Variants in RANBP2 observed in about 807,000 individuals in gnomAD.
RANBP2 encodes the protein RAN binding protein 2, also known as E3 SUMO-protein ligase RanBP2.
Under a neutral mutation model 303.6 loss-of-function variants are expected in RANBP2, and 57 were observed. The ratio of observed to expected loss-of-function variants is 0.19; its 90% CI spans 0.15 to 0.23. The LOEUF (loss-of-function observed/expected upper bound fraction) is 0.23, where lower values mean the gene tolerates loss of function less well. Among genes scored for constraint, RANBP2 ranks in the 10% least tolerant of loss-of-function variants. The pLI, the probability that RANBP2 is intolerant of heterozygous loss-of-function variation, is 1.00. For synonymous variants in RANBP2, 1,167 were observed against 1,301.5 expected, an observed-to-expected ratio of 0.90 and a Z score of 2.23; for missense variants, 3,138 against 3,780.8, an observed-to-expected ratio of 0.83 and a Z score of 4.46.
At chr2:109,148,594 A>G in the RANBP2 span, among the ~76,000 whole-genome samples, 2 of 152,178 alleles carry the variant, frequency 1.3e-5, no homozygotes, top group East Asian at 3.9e-4. Flanking sequence ...ATCACAGTAA[A>G]ATACTCGATT....
chr2:109,226,890 C>A, the RANBP2 span, among the ~76,000 whole-genome samples: 1 of 152,304 alleles, frequency 6.6e-6, no homozygotes, highest in East Asian at 1.9e-4. Context: ...CAGAGAGAAG[C>A]AAAGCCGTGT....
chr2:109,602,277 T>C, the RANBP2 span, among the ~76,000 whole-genome samples: 1 of 151,792 alleles, frequency 6.6e-6, no homozygotes, highest in Non-Finnish European at 1.5e-5. Context: ...AGAAACTGCA[T>C]GAACAGAAAG....
At chr2:109,145,204 C>T in the RANBP2 span, among the ~76,000 whole-genome samples, 4 of 152,182 alleles carry the variant, frequency 2.6e-5, no homozygotes, top group Non-Finnish European at 5.9e-5. Flanking sequence ...GAGACAGAGC[C>T]GTGTCCTGGC....
chr2:108,742,564 A>T (rs1311834523), intron 7 of RANBP2, among the ~76,000 whole-genome samples: 1 of 151,588 alleles, frequency 6.6e-6, no homozygotes, highest in African/African-American at 2.4e-5. Flanking sequence ...TTGGCCTCTC[A>T]AAGTGCTGGG....
chr2:108,846,625 C>A, the RANBP2 span: 1 of 823,386 alleles, frequency 1.2e-6, no homozygotes, highest in East Asian at 2.8e-5. Flanking sequence ...TGCAGTGAGC[C>A]ATGATTGCGC....
At chr2:109,234,980 C>A in the RANBP2 span, among the ~76,000 whole-genome samples, 1 of 152,318 alleles carries the variant, frequency 6.6e-6, no homozygotes, top group South Asian at 2.1e-4. Flanking sequence ...CAGATCCCAA[C>A]GTTTGACTAT....
chr2:109,218,953 T>C, the RANBP2 span, among the ~76,000 whole-genome samples: 3 of 151,974 alleles, frequency 2.0e-5, no homozygotes, highest in Non-Finnish European at 4.4e-5. Context: ...TGTAGAGGGG[T>C]GTGTCTCTCT....
intron 28 of RANBP2, 33 bp downstream of exon 28, chr2:108,782,895 G>A (rs1678352853): frequency 3.9e-6 from 6 of 1,540,196 alleles, no homozygotes; most frequent in Non-Finnish European, 5.4e-6. Flanking sequence ...CACAATTGAG[G>A]TCTTGAAGAG....
At chr2:109,099,010 T>G in the RANBP2 span, among the ~76,000 whole-genome samples, 1 of 152,222 alleles carries the variant, frequency 6.6e-6, no homozygotes, top group Non-Finnish European at 1.5e-5. Flanking sequence ...GGTTGCAGCC[T>G]GCAGGCTAGC....
chr2:109,383,374 C>T, the RANBP2 span, among the ~76,000 whole-genome samples: 2 of 152,178 alleles, frequency 1.3e-5, no homozygotes, highest in African/African-American at 4.8e-5. Flanking sequence ...GGAGATCTAT[C>T]CTACAGGTCT....
chr2:109,427,079 T>C, the RANBP2 span, among the ~76,000 whole-genome samples: 15,953 of 152,156 alleles, frequency 0.1, 1,494 homozygotes, highest in African/African-American at 0.25. Flanking sequence ...AGCGATTCTC[T>C]GGCCCTAGCC....
the RANBP2 span, chr2:108,846,704 A>G: frequency 1.3e-6 from 2 of 1,558,824 alleles, no homozygotes; most frequent in Non-Finnish European, 1.7e-6. Context: ...CTGAACATGA[A>G]TAAATATACT....
At chr2:109,022,908 G>A in the RANBP2 span, among the ~76,000 whole-genome samples, 4 of 151,978 alleles carry the variant, frequency 2.6e-5, no homozygotes, top group Non-Finnish European at 5.9e-5. Flanking sequence ...AAAATTACCC[G>A]GGCGTGGTGG....
the RANBP2 span, among the ~76,000 whole-genome samples, chr2:109,081,674 C>T: frequency 6.6e-6 from 1 of 152,164 alleles, no homozygotes; most frequent in Non-Finnish European, 1.5e-5. Context: ...TAACCTTGCC[C>T]ATCCTGACAC....
the RANBP2 span, among the ~76,000 whole-genome samples, chr2:109,331,838 A>C: frequency 6.6e-6 from 1 of 152,154 alleles, no homozygotes; most frequent in Admixed American, 6.5e-5. Flanking sequence ...TGCCAGGGGC[A>C]CCCTGTCATG....
the RANBP2 span, among the ~76,000 whole-genome samples, chr2:108,953,527 C>T: frequency 2.0e-5 from 3 of 152,108 alleles, no homozygotes; most frequent in African/African-American, 2.4e-5. Context: ...TTAAGGCTCA[C>T]GGTCCTGTGC....
At chr2:108,982,244 G>C in the RANBP2 span, among the ~76,000 whole-genome samples, 1 of 152,200 alleles carries the variant, frequency 6.6e-6, no homozygotes, top group African/African-American at 2.4e-5. Flanking sequence ...AGGGTAAACA[G>C]GAAAGCAGCC....
chr2:109,598,209 A>C, the RANBP2 span, among the ~76,000 whole-genome samples: 3 of 151,954 alleles, frequency 2.0e-5, no homozygotes, highest in South Asian at 6.3e-4. Flanking sequence ...CTAGGATTAC[A>C]GGCATGCACC....
the RANBP2 span, among the ~76,000 whole-genome samples, chr2:109,259,352 A>G: frequency 3.2e-4 from 49 of 152,232 alleles, no homozygotes; most frequent in Non-Finnish European, 6.2e-4. Context: ...TGAGACCACC[A>G]TCCAGAGCCG....
Sources: allele counts gnomAD v4.1 joint callset (sites outside exome capture counted in the v4.1 genomes callset), GRCh38; gene constraint gnomAD v4.1.1; transcripts MANE v1.5; gene names NCBI Gene and HGNC (gene_info 2026-07-23, HGNC 2026-07-21).